The following PARP14 variants were observed in gnomAD, a reference collection of about 807,000 sequenced individuals.
PARP14 encodes poly(ADP-ribose) polymerase family member 14.
A neutral mutation model predicts 154.2 loss-of-function variants in PARP14; 59 were observed. The observed-to-expected ratio is 0.38, with a 90% CI of 0.31 to 0.48. The LOEUF (loss-of-function observed/expected upper bound fraction) is 0.48, where lower values mean the gene tolerates loss of function less well. Ranked by LOEUF, PARP14 falls within the 20% of genes least tolerant of loss-of-function variation. PARP14 has a pLI of 0.98. For missense variants in PARP14, 1,734 were observed against 2,131.6 expected (o/e 0.81, Z 3.67); for synonymous variants, 720 against 780.5 (o/e 0.92, Z 1.29).
rs1299838025 is a variant in PARP14 at position 122,704,616 on chromosome 3, C to G, written c.3408C>G (p.Asn1136Lys). The change falls in exon 8 of 17, where the codon AAC becomes AAG. Residue 1136 changes from asparagine (N) to lysine (K), a missense_variant. By Grantham distance (94) the Asn-to-Lys change is moderately conservative. Coordinates refer to ENST00000474629, the MANE Select transcript of PARP14 (RefSeq NM_017554.3). ...CATTTCCAGCAATAGGAACAGGAAA[C>G]TTGGGATTTCCTAAAAACATATTCG... is the stretch of plus-strand genomic sequence containing the variant. ...SIAFPAIGTG[N>K]LGFPKNIFAE... 1.2e-6 allele frequency: 2 copies of G among 1,606,022 alleles called. No homozygotes were observed. The highest frequency in any genetic ancestry group is 1.7e-5 in the Admixed American group (1 of 59,232).
intron 12 of PARP14, 87 bp downstream of exon 12, chr3:122,714,516 G>T: frequency 9.7e-7 from 1 of 1,027,974 alleles, no homozygotes; most frequent in Non-Finnish European, 1.4e-6. Flanking sequence ...GGTCAGTGCT[G>T]AGTCTGACCC....
rs1484395498 is a variant in PARP14, at chr3:122,703,937, G to A, written c.3277G>A (p.Val1093Ile). The change falls in exon 7 of 17, where the codon GTA (valine) becomes ATA (isoleucine). Residue 1093 changes from valine (V) to isoleucine (I), a missense_variant. Val to Ile is a conservative substitution (Grantham distance 29). Around this residue, in one of 2 missense-constraint regions of PARP14, gnomAD observed 1,646 missense variants for 1,976.0 expected, o/e 0.83. Coordinates refer to ENST00000474629, the MANE Select transcript of PARP14 (RefSeq NM_017554.3). ...NLDCRYVLHV[V>I]APEWRNGSTS... ...GGACTGTCGCTATGTGCTTCACGTG[G>A]TAGCTCCGGAGTGGAGAAATGGTAG... 1.9e-6 allele frequency: 3 copies of A among 1,613,852 alleles called. No individual in the cohort carries two copies. The highest frequency in any genetic ancestry group is 1.7e-5 in the Admixed American group (1 of 60,000).
At chr3:122,706,805 G>C (rs1481650829) in intron 8 of PARP14, among the ~76,000 whole-genome samples, 1 of 148,410 alleles carries the variant, frequency 6.7e-6, no homozygotes, top group African/African-American at 2.5e-5. Flanking sequence ...ATTATGGAGG[G>C]TCACCAACAG....
At chr3:122,702,475 C>T (rs1445527227) in intron 6 of PARP14, among the ~76,000 whole-genome samples, 1 of 152,224 alleles carries the variant, frequency 6.6e-6, no homozygotes, top group Non-Finnish European at 1.5e-5. Context: ...CTGCTTCAGC[C>T]TCCCAAAGTG....
In PARP14 at chr3:122,701,320, T is replaced by A. The variant is rs1938966244; in HGVS notation, c.2766T>A (p.Ser922Arg). 1 of 1,614,046 alleles carries A rather than the reference T, an allele frequency of 6.2e-7. No homozygotes were observed. The highest frequency in any genetic ancestry group is 8.5e-7 in the Non-Finnish European group (1 of 1,179,888). The change falls in exon 6 of 17, where the codon AGT (serine) becomes AGA (arginine). Residue 922 changes from serine (S) to arginine (R), a missense_variant. Coordinates refer to ENST00000474629, the MANE Select transcript of PARP14 (RefSeq NM_017554.3). The surrounding 1 kb of genome is among the most constrained non-coding windows in gnomAD (Gnocchi z 4.0). ...KYRSIAIPAI[S>R]SGVFGFPLGR... ...GATCCATAGCCATCCCAGCTATTAG[T>A]TCTGGAGTCTTTGGCTTTCCCTTAG...
chr3:122,704,506 G>A, intron 7 of PARP14, 21 bp from the exon 8 acceptor site: 1 of 1,445,002 alleles, frequency 6.9e-7, no homozygotes, highest in Non-Finnish European at 9.6e-7. Flanking sequence ...GATGTATAAG[G>A]ATGTGCTTTG....
rs1301040419 is a variant in PARP14, at chr3:122,701,385, A to G, written c.2831A>G (p.Asn944Ser). 2.5e-6 allele frequency: 4 copies of G among 1,614,030 alleles called. No homozygotes were observed. Among genetic ancestry groups the G allele is most frequent in the South Asian group, 1.1e-5 (1 of 91,084 alleles). ...VETIVSAIKE[N>S]FQFKKDGHCL... ...ACCATTGTTTCTGCCATCAAGGAAA[A>G]CTTCCAATTCAAGAAGGATGGACAC... Residue 944 changes from asparagine (N) to serine (S), a missense_variant, in exon 6 of 17, where the codon AAC becomes AGC. Transcript: ENST00000474629. The surrounding 1 kb of genome is among the most constrained non-coding windows in gnomAD (Gnocchi z 4.0).
chr3:122,687,691 C>T (rs1938415297), intron 3 of PARP14, among the ~76,000 whole-genome samples: 1 of 152,200 alleles, frequency 6.6e-6, no homozygotes, highest in East Asian at 1.9e-4. Flanking sequence ...CTCCAATGCT[C>T]AACTAGCGTC....
intron 3 of PARP14, among the ~76,000 whole-genome samples, chr3:122,687,564 A>G (rs1228991367): frequency 6.6e-6 from 1 of 152,230 alleles, no homozygotes; most frequent in Non-Finnish European, 1.5e-5. Context: ...CTGTGAACAT[A>G]GGCTTTTGAG....
intron 15 of PARP14, among the ~76,000 whole-genome samples, chr3:122,726,867 C>T (rs551144492): frequency 4.4e-4 from 59 of 133,346 alleles, no homozygotes; most frequent in African/African-American, 1.7e-3. Context: ...GAAATTTAGC[C>T]GTAGGTAAAG....
intron 12 of PARP14, 120 bp downstream of exon 12, chr3:122,714,549 G>A: frequency 1.6e-6 from 1 of 634,338 alleles, no homozygotes; most frequent in Non-Finnish European, 2.5e-6. Context: ...ATTAAGCTAG[G>A]AGTGGACAGC....
At chr3:122,714,544 G>A in intron 12 of PARP14, 115 bp downstream of exon 12, 1 of 669,032 alleles carries the variant, frequency 1.5e-6, no homozygotes, top group Non-Finnish European at 2.4e-6. Flanking sequence ...CAACCATTAA[G>A]CTAGGAGTGG....
intron 9 of PARP14, among the ~76,000 whole-genome samples, chr3:122,711,877 G>A (rs1939328927): frequency 6.6e-6 from 1 of 152,084 alleles, no homozygotes; most frequent in African/African-American, 2.4e-5. Context: ...ATGTAAAGGT[G>A]TTCATAGCAG....
At chr3:122,684,723 G>A (rs758782689) in intron 1 of PARP14, among the ~76,000 whole-genome samples, 6 of 151,972 alleles carry the variant, frequency 3.9e-5, no homozygotes, top group South Asian at 2.1e-4. Context: ...TTCCTAAAAC[G>A]TGACTTTCAT....
At chr3:122,720,601 AT>A in intron 15 of PARP14, 1 of 602,740 alleles carries the variant, frequency 1.7e-6, no homozygotes. Flanking sequence ...TTTGATTGTA[AT>A]ATGATAGAAC....
At chr3:122,702,830 G>T (rs906598017) in intron 6 of PARP14, among the ~76,000 whole-genome samples, 2 of 151,596 alleles carry the variant, frequency 1.3e-5, no homozygotes, top group African/African-American at 4.8e-5. Flanking sequence ...CAAATATCAA[G>T]ACATTCTTTC....
At chr3:122,715,405 T>G (rs906438121) in intron 12 of PARP14, among the ~76,000 whole-genome samples, 2 of 152,214 alleles carry the variant, frequency 1.3e-5, no homozygotes, top group African/African-American at 2.4e-5. Context: ...TGGGCCTTCT[T>G]CTAACCCTCT....
intron 3 of PARP14, among the ~76,000 whole-genome samples, chr3:122,687,322 G>T (rs562974380): frequency 2.6e-5 from 4 of 152,304 alleles, no homozygotes; most frequent in South Asian, 4.1e-4. Flanking sequence ...GATTGGAACT[G>T]CTCTCTCTGG....
In PARP14 at chr3:122,695,586, T is replaced by C; in HGVS notation, c.759T>C (p.Asn253=). ...AACTTTTCTTTGAAAATCCCTATAA[T>C]GGAGGGGGAAGAGTTGCCAATGTTG... ...SLKLFFENPY[N]GGGRVANVEY... is the part of the protein sequence containing the mutation. Residue 253 remains asparagine (N), a synonymous_variant, in exon 5 of 17, where the codon AAT becomes AAC. Coordinates refer to ENST00000474629, the MANE Select transcript of PARP14 (RefSeq NM_017554.3). 1 of 1,610,970 alleles carries C rather than the reference T, an allele frequency of 6.2e-7. No individual in the cohort carries two copies. Among genetic ancestry groups the C allele is most frequent in the Non-Finnish European group, 8.5e-7 (1 of 1,177,544 alleles).
Sources: allele counts gnomAD v4.1 joint callset (sites outside exome capture counted in the v4.1 genomes callset), GRCh38; gene constraint gnomAD v4.1.1; regional missense constraint gnomAD v4.1.1; non-coding constraint Gnocchi (gnomAD v3.1); transcripts MANE v1.5; gene names NCBI Gene and HGNC (gene_info 2026-07-23, HGNC 2026-07-21).